Variants in CBFA2T2 observed in about 807,000 individuals in gnomAD.
The protein encoded by CBFA2T2 is CBFA2/RUNX1 partner transcriptional co-repressor 2, also known as protein CBFA2T2.
Under a neutral mutation model 62.2 loss-of-function variants are expected in CBFA2T2, and 11 were observed. The observed-to-expected ratio is 0.18, with a 90% confidence interval of 0.11 to 0.29. The LOEUF (loss-of-function observed/expected upper bound fraction) is 0.29, where lower values mean the gene tolerates loss of function less well. CBFA2T2 is among the 10% of genes least tolerant of loss of function. The probability of loss-of-function intolerance (pLI) is 1.00; values close to 1 mark genes in which losing one functional copy is unlikely to be tolerated. For synonymous variants in CBFA2T2, 295 were observed against 287.5 expected (o/e 1.03, Z -0.27); for missense variants, 592 against 774.1 (o/e 0.76, Z 2.79).
intron 2 of CBFA2T2, 48 bp downstream of exon 2, chr20:33,607,147 A>C: frequency 6.3e-7 from 1 of 1,582,900 alleles, no homozygotes; most frequent in Non-Finnish European, 8.6e-7. Flanking sequence ...TGACATTTGG[A>C]TCTAAGTGAC....
chr20:33,624,167 A>G (rs2016119395), intron 5 of CBFA2T2, among the ~76,000 whole-genome samples: 1 of 150,582 alleles, frequency 6.6e-6, no homozygotes, highest in African/African-American at 2.4e-5. Flanking sequence ...CTATCAAAAT[A>G]TTCTATGGGT....
chr20:33,519,951 A>G (rs1364802972), intron 1 of CBFA2T2, among the ~76,000 whole-genome samples: 2 of 152,076 alleles, frequency 1.3e-5, no homozygotes, highest in Non-Finnish European at 2.9e-5. Context: ...GTTCGAGACC[A>G]GCCTGACCAA....
chr20:33,595,648 C>A (rs1356731855), intron 1 of CBFA2T2, among the ~76,000 whole-genome samples: 1 of 152,004 alleles, frequency 6.6e-6, no homozygotes, highest in Non-Finnish European at 1.5e-5. Flanking sequence ...GCCTCCCAGG[C>A]TCAGGCAATC....
chr20:33,515,833 G>A (rs988154727), intron 1 of CBFA2T2, among the ~76,000 whole-genome samples: 360 of 150,434 alleles, frequency 2.4e-3, no homozygotes, highest in Non-Finnish European at 3.4e-3. Flanking sequence ...GGGGCGGGGG[G>A]AATATCTTAT....
intron 1 of CBFA2T2, among the ~76,000 whole-genome samples, chr20:33,499,788 T>C (rs927559875): frequency 2.0e-5 from 3 of 151,944 alleles, no homozygotes. Context: ...GATAAGGAAA[T>C]CCTGGGCGAC....
intron 1 of CBFA2T2, among the ~76,000 whole-genome samples, chr20:33,504,066 T>G (rs1482445650): frequency 6.6e-6 from 1 of 151,924 alleles, no homozygotes; most frequent in Non-Finnish European, 1.5e-5. Context: ...TTTATGGGGG[T>G]TTTTGTTTGC....
chr20:33,599,310 T>C (rs1283864933), intron 1 of CBFA2T2, among the ~76,000 whole-genome samples: 4 of 152,144 alleles, frequency 2.6e-5, no homozygotes, highest in Admixed American at 1.3e-4. Context: ...GAATAAAGAT[T>C]GATTACAACA....
intron 6 of CBFA2T2, among the ~76,000 whole-genome samples, chr20:33,626,329 G>A (rs956542155): frequency 6.6e-6 from 1 of 152,188 alleles, no homozygotes; most frequent in Non-Finnish European, 1.5e-5. Context: ...TAGGTCAGGA[G>A]GTGAGGCATA....
intron 1 of CBFA2T2, among the ~76,000 whole-genome samples, chr20:33,591,825 C>T (rs1239480744): frequency 1.7e-5 from 2 of 118,680 alleles, no homozygotes; most frequent in South Asian, 2.8e-4. Context: ...AGTCCATTCT[C>T]ATGAACAATT....
intron 1 of CBFA2T2, among the ~76,000 whole-genome samples, chr20:33,541,677 T>G (rs1600947842): frequency 6.6e-6 from 1 of 152,342 alleles, no homozygotes; most frequent in East Asian, 1.9e-4. Flanking sequence ...CAGGTACATT[T>G]TCCCAAATCA....
At chr20:33,607,121 T>C (rs763778392) in intron 2 of CBFA2T2, 22 bp downstream of exon 2, 28 of 1,607,854 alleles carry the variant, frequency 1.7e-5, no homozygotes, top group Middle Eastern at 1.7e-4. Context: ...TAGTTACTTA[T>C]GTTTGTAGTT....
Position 33,646,550 on chromosome 20 carries a change from C to T in CBFA2T2, c.*1904C>T, listed in dbSNP as rs2017054320. 6.6e-6 allele frequency: 1 copy of T among 152,134 alleles called. No homozygotes were observed. The highest frequency in any genetic ancestry group is 2.4e-5 in the African/African-American group (1 of 41,422). The allele number at this position is 152,134 out of a possible 1,614,324, so 9.4% of individuals were successfully genotyped here. A position where few individuals can be genotyped will look rare whatever the true frequency, so the allele number is the denominator to read the frequency against. ...GCCTTCTCCTTGGATACAGGTACAT[C>T]TTACTGTAAGAATTTCAAGTCCTGG... On this transcript the variant is annotated 3_prime_UTR_variant, in exon 11 of 11. Transcript: ENST00000342704.
intron 1 of CBFA2T2, among the ~76,000 whole-genome samples, chr20:33,539,628 G>A (rs2012355923): frequency 1.3e-5 from 2 of 151,840 alleles, no homozygotes; most frequent in Non-Finnish European, 2.9e-5. Flanking sequence ...TAATTTGGAA[G>A]CAGTGCATCA....
At chr20:33,635,248 T>TAA (rs1301284436) in intron 8 of CBFA2T2, among the ~76,000 whole-genome samples, 1 of 152,228 alleles carries the variant, frequency 6.6e-6, no homozygotes, top group Non-Finnish European at 1.5e-5. Context: ...AATTAAGTGT[T>TAA]AGATTAGTAA....
At chr20:33,577,801 A>G (rs867473888) in intron 1 of CBFA2T2, among the ~76,000 whole-genome samples, 2 of 152,230 alleles carry the variant, frequency 1.3e-5, no homozygotes, top group Admixed American at 1.3e-4. Context: ...CTGGTTAAAT[A>G]AAGTGGTATT....
In CBFA2T2 at chr20:33,623,235, G is replaced by C. The variant is rs1220394237; in HGVS notation, c.631G>C (p.Ala211Pro). 1 of 1,614,124 alleles carries C rather than the reference G, an allele frequency of 6.2e-7. No homozygotes were observed. Among genetic ancestry groups the C allele is most frequent in the African/African-American group, 1.3e-5 (1 of 74,938 alleles). Residue 211 changes from alanine to proline, a missense_variant, in exon 5 of 11, where the codon GCT becomes CCT. By Grantham distance (27) the Ala-to-Pro change is conservative. Around this residue, in one of 3 missense-constraint regions of CBFA2T2, gnomAD observed 449 missense variants for 551.2 expected, o/e 0.81. Transcript: ENST00000342704. ...LLLNTSIASP[A>P]DSSELLMEVH... The stretch of plus-strand genomic sequence containing the variant: ...GCTCAACACAAGCATTGCATCGCCT[G>C]CTGACTCGTCAGAGTTGCTCATGGA...
intron 1 of CBFA2T2, among the ~76,000 whole-genome samples, chr20:33,544,341 G>A (rs1010385818): frequency 1.3e-5 from 2 of 151,990 alleles, no homozygotes; most frequent in East Asian, 1.9e-4. Flanking sequence ...TTTTTCACCT[G>A]TCCTGCTGCG....
chr20:33,522,667 C>G (rs994542031), intron 1 of CBFA2T2, among the ~76,000 whole-genome samples: 1 of 152,120 alleles, frequency 6.6e-6, no homozygotes, highest in African/African-American at 2.4e-5. Context: ...CATTTGAGCC[C>G]AGGAGTTCAA....
intron 1 of CBFA2T2, 23 bp downstream of exon 1, chr20:33,490,324 C>T (rs751585342): frequency 1.6e-6 from 2 of 1,282,342 alleles, no homozygotes; most frequent in South Asian, 3.2e-5. Context: ...TGAATGCGGG[C>T]GGCCGAGGGG....
Sources: gnomAD v4.1 joint callset for allele counts (sites outside exome capture counted in the v4.1 genomes callset) on GRCh38, gnomAD v4.1.1 for gene constraint, gnomAD v4.1.1 regional missense constraint, MANE v1.5 for transcripts, NCBI Gene and HGNC (gene_info 2026-07-23, HGNC 2026-07-21) for gene names.